Variants in NOTCH2 observed in about 807,000 individuals in gnomAD.
NOTCH2 encodes neurogenic locus notch homolog protein 2.
Under a neutral mutation model 235.8 loss-of-function variants are expected in NOTCH2, and 29 were observed. The observed-to-expected ratio is 0.12, with a 90% confidence interval of 0.09 to 0.17. The LOEUF (loss-of-function observed/expected upper bound fraction) is 0.17, where lower values mean the gene tolerates loss of function less well. Among genes scored for constraint, NOTCH2 ranks in the 10% least tolerant of loss-of-function variants. The probability of loss-of-function intolerance (pLI) is 1.00; values close to 1 mark genes in which losing one functional copy is unlikely to be tolerated. For synonymous variants in NOTCH2, 1,086 were observed against 1,141.5 expected (o/e 0.95, Z 0.98); for missense variants, 2,285 against 3,150.2 (o/e 0.73, Z 6.57).
intron 28 of NOTCH2, 108 bp from the exon 29 acceptor site, chr1:119,921,917 C>T: frequency 1.0e-6 from 1 of 985,160 alleles, no homozygotes. Flanking sequence ...TACAATTTTG[C>T]AGGGTCTTGG....
chr1:120,005,409 G>T lies in NOTCH2; in HGVS notation c.335C>A (p.Ser112Tyr). Residue 112 changes from serine to tyrosine, a missense_variant, in exon 3 of 34, where the codon TCT becomes TAT. Ser to Tyr is a moderately radical substitution (Grantham distance 144). Coordinates refer to ENST00000256646, the MANE Select transcript of NOTCH2 (RefSeq NM_024408.4). The part of the protein sequence containing the change: ...QYSTSHPCFV[S>Y]RPCLNGGTCH... ...TGTGCCGCCATTCAGGCAGGGTCGA[G>T]ACACAAAGCATGGATGAGATGTTGA... 3 of 1,614,044 alleles carry T rather than the reference G, an allele frequency of 1.9e-6. No individual in the cohort carries two copies. Among genetic ancestry groups the T allele is most frequent in the African/African-American group, 2.7e-5 (2 of 75,064 alleles).
At chr1:120,014,991 CTTTTT>C (rs60671945) in intron 2 of NOTCH2, among the ~76,000 whole-genome samples, 55 of 126,400 alleles carry the variant, frequency 4.4e-4, no homozygotes, top group African/African-American at 1.3e-3. Context: ...CTGTCTTTAG[CTTTTT>C]TTTTTTTTTT....
At chr1:120,065,302 G>A (rs1470654372) in intron 1 of NOTCH2, among the ~76,000 whole-genome samples, 6 of 152,194 alleles carry the variant, frequency 3.9e-5, no homozygotes, top group Non-Finnish European at 8.8e-5. Flanking sequence ...TTGTTCGACT[G>A]AACAAGTATT....
intron 16 of NOTCH2, 125 bp downstream of exon 16, chr1:119,948,882 T>C (rs1309298877): frequency 1.6e-6 from 2 of 1,273,784 alleles, no homozygotes; most frequent in East Asian, 2.3e-5. Context: ...GCAAAACCTG[T>C]GTGCTCTTGA....
chr1:119,919,311 C>T lies in NOTCH2; in HGVS notation c.5781+1G>A, dbSNP rs1382733866. 6.2e-7 allele frequency: 1 copy of T among 1,610,516 alleles called. No individual in the cohort carries two copies. The highest frequency in any genetic ancestry group is 8.5e-7 in the Non-Finnish European group (1 of 1,179,736). On this transcript the variant is annotated splice_donor_variant, in intron 31 of 33. Coordinates refer to ENST00000256646, the MANE Select transcript of NOTCH2 (RefSeq NM_024408.4). LOFTEE classifies it high-confidence loss of function. ...CAAGTGACTCTTCTCATGTTCTTTA[C>T]CTGGAAGACACCTTGGGCATCAGCT...
intron 1 of NOTCH2, among the ~76,000 whole-genome samples, chr1:120,039,785 T>A (rs2101362710): frequency 6.6e-6 from 1 of 151,476 alleles, no homozygotes; most frequent in Non-Finnish European, 1.5e-5. Flanking sequence ...GAAAAAAATT[T>A]ATAAATATAT....
At position 120,027,017 on chromosome 1, in the gene NOTCH2, T is replaced by C. The variant is rs587655942; in HGVS notation, c.155+2889A>G. 5.5e-3 allele frequency among the ~76,000 whole-genome samples: 751 copies of C among 137,346 alleles called. 11 individuals carry two copies. The highest frequency in any genetic ancestry group is 0.019 in the African/African-American group (719 of 37,164). 90.1% of individuals were successfully genotyped at this position (137,346 alleles called of 152,430 possible). On this transcript the variant is annotated intron_variant, in intron 2 of 33. Transcript: ENST00000256646. ...CTCAGGCTGGAGTGCAGTGGTGCAA[T>C]CTTGGCTCACTGCAAGCTCCGCCTC...
intron 1 of NOTCH2, among the ~76,000 whole-genome samples, chr1:120,035,437 A>G (rs1441196082): frequency 6.6e-6 from 1 of 152,070 alleles, no homozygotes; most frequent in Non-Finnish European, 1.5e-5. Flanking sequence ...TTACCTGCCC[A>G]GTATTACTCC....
At chr1:119,980,441 C>A (rs1361460076) in intron 5 of NOTCH2, among the ~76,000 whole-genome samples, 1 of 152,156 alleles carries the variant, frequency 6.6e-6, no homozygotes, top group African/African-American at 2.4e-5. Context: ...CATAACCCTG[C>A]GTTGTGTCTC....
In NOTCH2 at chr1:120,007,671, C is replaced by A. The variant is rs587596154; in HGVS notation, c.156-2083G>T. On this transcript the variant is annotated intron_variant, in intron 2 of 33. Coordinates refer to ENST00000256646, the MANE Select transcript of NOTCH2 (RefSeq NM_024408.4). ...TTGTGCCACTACACTCCAGCCTGGG[C>A]AACAGAGTGAGATTCCATCTCAAAA... Among the ~76,000 whole-genome samples the A allele has an allele frequency of 2.6e-5, 4 of 151,950 alleles. No individual in the cohort carries two copies. The East Asian group carries it at 7.7e-4, about 29-fold the overall frequency.
rs189079420 is a variant in NOTCH2 at position 119,917,325 on chromosome 1, C to T, written c.6027+340G>A. On this transcript the variant is annotated intron_variant, in intron 33 of 33. Transcript: ENST00000256646. Reference sequence around the variant, plus strand: ...GGGTATCCAAGGACAGAAAAAAAAGCAGCCGGAGGGAAAAAAGAAAGAAAA... The same window carrying T: ...GGGTATCCAAGGACAGAAAAAAAAGTAGCCGGAGGGAAAAAAGAAAGAAAA... Among the ~76,000 whole-genome samples, 3 of 152,036 alleles carry T rather than the reference C, an allele frequency of 2.0e-5. No homozygotes were observed. In the East Asian group the frequency reaches 5.8e-4, roughly 29 times the overall value.
At chr1:119,947,246 G>T (rs2101112750) in intron 17 of NOTCH2, among the ~76,000 whole-genome samples, 1 of 152,220 alleles carries the variant, frequency 6.6e-6, no homozygotes, top group East Asian at 1.9e-4. Context: ...GCTATAAATT[G>T]GAGGGAAATC....
chr1:119,967,300 A>C, intron 8 of NOTCH2, 133 bp downstream of exon 8: 1 of 866,176 alleles, frequency 1.2e-6, no homozygotes, highest in South Asian at 1.3e-5. Context: ...GACTTCCTCT[A>C]GTCCCCAGTC....
Position 119,969,603 on chromosome 1 carries a change from A to G in NOTCH2, c.1016T>C (p.Ile339Thr), listed in dbSNP as rs1350230048. 4.3e-6 allele frequency: 7 copies of G among 1,613,870 alleles called. No individual in the cohort carries two copies. Among genetic ancestry groups the G allele is most frequent in the South Asian group, 2.2e-5 (2 of 91,082 alleles). The change falls in exon 6 of 34, where the codon ATT becomes ACT. Residue 339 changes from isoleucine (I) to threonine (T), a missense_variant. Ile to Thr is a moderately conservative substitution (Grantham distance 89). This residue lies in a region of NOTCH2 where 431 missense variants were observed against 757.8 expected (regional missense o/e 0.57). Coordinates refer to ENST00000256646, the MANE Select transcript of NOTCH2 (RefSeq NM_024408.4). ...ACAGGAGGCGAAGGCACAATCATCA[A>G]TGTTCTCACTGCAGTCATCTCCACT... is the stretch of plus-strand genomic sequence containing the variant. ...GWSGDDCSENIDDCAFASCTP... is the reference protein window; with the variant it reads ...GWSGDDCSENTDDCAFASCTP...
At chr1:120,025,306 C>T (rs1553209721) in intron 2 of NOTCH2, among the ~76,000 whole-genome samples, 1 of 151,572 alleles carries the variant, frequency 6.6e-6, no homozygotes, top group Admixed American at 6.6e-5. Flanking sequence ...CAGAAGGCTC[C>T]TGGGGCTGGG....
intron 22 of NOTCH2, among the ~76,000 whole-genome samples, chr1:119,932,687 T>C (rs183686470): frequency 1.1e-4 from 17 of 152,228 alleles, no homozygotes; most frequent in Non-Finnish European, 5.9e-5. Flanking sequence ...TATTTTGATA[T>C]GAAAATATCT....
At chr1:119,997,925 G>A (rs1329196786) in intron 3 of NOTCH2, among the ~76,000 whole-genome samples, 4 of 142,092 alleles carry the variant, frequency 2.8e-5, no homozygotes, top group Non-Finnish European at 6.0e-5. Flanking sequence ...AGTGAGCCGA[G>A]ATTGTACCAC....
chr1:119,997,393 A>C, intron 3 of NOTCH2, 61 bp from the exon 4 acceptor site: 1 of 1,441,804 alleles, frequency 6.9e-7, no homozygotes, highest in East Asian at 2.3e-5. Context: ...CCCCATCCTC[A>C]ATACCTCATT....
chr1:119,928,033 C>T (rs1649531892), intron 23 of NOTCH2, among the ~76,000 whole-genome samples: 1 of 152,160 alleles, frequency 6.6e-6, no homozygotes, highest in South Asian at 2.1e-4. Context: ...TCACACCCTC[C>T]ATATAAGAAA....
Sources: allele counts gnomAD v4.1 joint callset (sites outside exome capture counted in the v4.1 genomes callset), GRCh38; gene constraint gnomAD v4.1.1; regional missense constraint gnomAD v4.1.1; transcripts MANE v1.5; gene names NCBI Gene and HGNC (gene_info 2026-07-23, HGNC 2026-07-21).